The following HS3ST4 variants were observed in gnomAD, a reference collection of about 807,000 sequenced individuals.
The protein encoded by HS3ST4 is heparan sulfate glucosamine 3-O-sulfotransferase 4.
HS3ST4 carries 17 observed loss-of-function variants against 29.2 expected under a neutral mutation model. That is an observed-to-expected ratio of 0.58 (90% CI 0.40 to 0.87). The LOEUF (loss-of-function observed/expected upper bound fraction) is 0.87. Ranked by LOEUF, HS3ST4 falls within the 40% of genes least tolerant of loss-of-function variation. The probability of loss-of-function intolerance (pLI) is 0.00; values close to 1 mark genes in which losing one functional copy is unlikely to be tolerated. For synonymous variants in HS3ST4, 314 were observed against 285.7 expected (o/e 1.10, Z -1.00); for missense variants, 627 against 634.5 (o/e 0.99, Z 0.13).
In HS3ST4 at chr16:26,126,875, A is replaced by C. The variant is rs181417391; in HGVS notation, c.735-8737A>C. On this transcript the variant is annotated intron_variant, in intron 1 of 1. Coordinates refer to ENST00000331351, the MANE Select transcript of HS3ST4 (RefSeq NM_006040.3). ...TAAGACCTAGATTTTTGAAACATGA[A>C]GACCTCTCAGTGGGTTTGTCTAGGA... 5.3e-5 allele frequency among the ~76,000 whole-genome samples: 8 copies of C among 152,310 alleles called. No individual in the cohort carries two copies. In the East Asian group the frequency reaches 1.5e-3, roughly 29 times the overall value.
chr16:26,047,068 TA>T (rs1898280214), intron 1 of HS3ST4, among the ~76,000 whole-genome samples: 1 of 152,270 alleles, frequency 6.6e-6, no homozygotes, highest in Admixed American at 6.5e-5. Flanking sequence ...CTTTCCTGCT[TA>T]AAATAATACA....
chr16:25,796,515 G>T (rs1365059673), intron 1 of HS3ST4, among the ~76,000 whole-genome samples: 1 of 152,170 alleles, frequency 6.6e-6, no homozygotes, highest in Non-Finnish European at 1.5e-5. Flanking sequence ...GTCACTATCA[G>T]TTCATTGTTG....
intron 1 of HS3ST4, among the ~76,000 whole-genome samples, chr16:25,813,184 GA>G (rs1474954965): frequency 1.3e-5 from 2 of 152,174 alleles, no homozygotes; most frequent in Non-Finnish European, 2.9e-5. Flanking sequence ...ATAAGTGGAT[GA>G]AAAGATGTTC....
At chr16:25,842,420 G>A (rs1386208084) in intron 1 of HS3ST4, among the ~76,000 whole-genome samples, 4 of 152,122 alleles carry the variant, frequency 2.6e-5, no homozygotes, top group South Asian at 2.1e-4. Flanking sequence ...TTCAGTGATC[G>A]TATATGCCCC....
At chr16:25,983,341 T>C (rs1318906193) in intron 1 of HS3ST4, among the ~76,000 whole-genome samples, 1 of 152,136 alleles carries the variant, frequency 6.6e-6, no homozygotes, top group Non-Finnish European at 1.5e-5. Context: ...AGCTATAAAA[T>C]GAAAATAATA....
intron 1 of HS3ST4, among the ~76,000 whole-genome samples, chr16:25,789,560 AAAT>A (rs1179442243): frequency 6.7e-6 from 1 of 150,228 alleles, no homozygotes; most frequent in East Asian, 2.0e-4. Context: ...TCTCATGAAA[AAAT>A]AATGATGAAT....
intron 1 of HS3ST4, among the ~76,000 whole-genome samples, chr16:25,882,343 C>T (rs1299091140): frequency 6.6e-6 from 1 of 152,142 alleles, no homozygotes; most frequent in African/African-American, 2.4e-5. Flanking sequence ...ATAGTCCCTC[C>T]AGTCTAGCAC....
intron 1 of HS3ST4, among the ~76,000 whole-genome samples, chr16:25,816,896 CA>C (rs1454126163): frequency 6.6e-6 from 1 of 152,114 alleles, no homozygotes; most frequent in Non-Finnish European, 1.5e-5. Context: ...ATAAAGCCAC[CA>C]ATCCCACTCC....
intron 1 of HS3ST4, among the ~76,000 whole-genome samples, chr16:25,873,789 C>A (rs1967797205): frequency 6.6e-6 from 1 of 152,032 alleles, no homozygotes; most frequent in South Asian, 2.1e-4. Flanking sequence ...TTCTTTCATC[C>A]ATCCATTCAT....
intron 1 of HS3ST4, among the ~76,000 whole-genome samples, chr16:25,888,245 A>C (rs564036477): frequency 1.3e-5 from 2 of 152,210 alleles, no homozygotes; most frequent in East Asian, 3.9e-4. Flanking sequence ...TTGCCTTGAA[A>C]CCAAGAAAAA....
intron 1 of HS3ST4, among the ~76,000 whole-genome samples, chr16:26,064,191 G>A (rs1027458266): frequency 6.6e-6 from 1 of 152,146 alleles, no homozygotes; most frequent in African/African-American, 2.4e-5. Flanking sequence ...TCCAATAGAT[G>A]TCATACAGGA....
At chr16:26,123,512 A>G (rs1340779997) in intron 1 of HS3ST4, among the ~76,000 whole-genome samples, 1 of 152,236 alleles carries the variant, frequency 6.6e-6, no homozygotes, top group African/African-American at 2.4e-5. Flanking sequence ...GTACTATTTC[A>G]GAAAATGAAA....
chr16:25,716,695 G>A (rs1275160820), intron 1 of HS3ST4, among the ~76,000 whole-genome samples: 2 of 152,164 alleles, frequency 1.3e-5, no homozygotes, highest in African/African-American at 2.4e-5. Flanking sequence ...AGGGTTTCAG[G>A]CAGAGCATCT....
At chr16:25,737,357 A>ACC (rs900507104) in intron 1 of HS3ST4, among the ~76,000 whole-genome samples, 1 of 51,834 alleles carries the variant, frequency 1.9e-5, no homozygotes, top group African/African-American at 8.2e-5. Flanking sequence ...GTTTTAAGTG[A>ACC]CCCCCCCCAC....
chr16:25,933,053 G>A (rs1968481719), intron 1 of HS3ST4, among the ~76,000 whole-genome samples: 1 of 152,090 alleles, frequency 6.6e-6, no homozygotes, highest in African/African-American at 2.4e-5. Flanking sequence ...TTTTGCCAGA[G>A]AGACTTGGGG....
intron 1 of HS3ST4, among the ~76,000 whole-genome samples, chr16:25,776,759 G>A (rs1966847854): frequency 6.6e-6 from 1 of 152,150 alleles, no homozygotes; most frequent in Non-Finnish European, 1.5e-5. Context: ...TTTCACGAAT[G>A]TTCTTCAGTT....
chr16:25,738,539 G>A (rs1230137162), intron 1 of HS3ST4, among the ~76,000 whole-genome samples: 1 of 152,148 alleles, frequency 6.6e-6, no homozygotes, highest in African/African-American at 2.4e-5. Context: ...CAGATGTTAG[G>A]TGGGTGGGGT....
intron 1 of HS3ST4, among the ~76,000 whole-genome samples, chr16:26,094,882 A>T (rs1371245539): frequency 6.6e-6 from 1 of 152,178 alleles, no homozygotes; most frequent in Non-Finnish European, 1.5e-5. Context: ...CTCATGTGCA[A>T]AGATGCACAT....
At chr16:26,059,572 T>A (rs1898451067) in intron 1 of HS3ST4, among the ~76,000 whole-genome samples, 1 of 152,142 alleles carries the variant, frequency 6.6e-6, no homozygotes, top group Non-Finnish European at 1.5e-5. Flanking sequence ...TTGAACGGCA[T>A]GACTAATAGT....
Sources: allele counts gnomAD v4.1 joint callset (sites outside exome capture counted in the v4.1 genomes callset), GRCh38; gene constraint gnomAD v4.1.1; transcripts MANE v1.5; gene names NCBI Gene and HGNC (gene_info 2026-07-23, HGNC 2026-07-21).